Variants in TMED10 observed in about 807,000 individuals in gnomAD.
TMED10 encodes transmembrane p24 trafficking protein 10.
Under a neutral mutation model 23.1 loss-of-function variants are expected in TMED10, and 7 were observed. The ratio of observed to expected loss-of-function variants is 0.30; its 90% CI spans 0.17 to 0.57. The LOEUF is 0.57. TMED10 is among the 20% of genes least tolerant of loss of function. The pLI, the probability that TMED10 is intolerant of heterozygous loss-of-function variation, is 0.91. For synonymous variants in TMED10, 113 were observed against 106.9 expected (o/e 1.06, Z -0.35); for missense variants, 162 against 274.8 (o/e 0.59, Z 2.90).
intron 1 of TMED10, among the ~76,000 whole-genome samples, chr14:75,165,531 A>G (rs537890484): frequency 1.3e-5 from 2 of 152,288 alleles, no homozygotes; most frequent in East Asian, 1.9e-4. Context: ...CAGCCTCAGA[A>G]ACACTTTCAA....
chr14:75,135,738 T>G (rs768298582), intron 4 of TMED10, 22 bp downstream of exon 4: 17 of 1,610,576 alleles, frequency 1.1e-5, no homozygotes, highest in African/African-American at 1.3e-5. Context: ...ACTTAAGAAG[T>G]AAGAGTCGCC....
intron 1 of TMED10, among the ~76,000 whole-genome samples, chr14:75,171,972 T>C (rs1237181738): frequency 6.6e-6 from 1 of 152,038 alleles, no homozygotes; most frequent in African/African-American, 2.4e-5. Context: ...GGGGTACATG[T>C]GCAGAACGTG....
intron 1 of TMED10, among the ~76,000 whole-genome samples, chr14:75,171,436 T>C (rs554847940): frequency 2.0e-5 from 3 of 152,228 alleles, no homozygotes; most frequent in African/African-American, 7.2e-5. Context: ...TGCACCACCA[T>C]GCCCAGCTAA....
intron 2 of TMED10, 72 bp from the exon 3 acceptor site, chr14:75,147,809 G>GCCCA: frequency 1.5e-6 from 2 of 1,302,594 alleles, no homozygotes; most frequent in East Asian, 2.8e-5. Context: ...CCACCCGCCC[G>GCCCA]CCCTCCCTCT....
intron 1 of TMED10, among the ~76,000 whole-genome samples, chr14:75,161,723 T>A (rs115893413): frequency 1.1e-3 from 170 of 151,454 alleles, no homozygotes; most frequent in African/African-American, 3.8e-3. Context: ...TTTCTCCCCA[T>A]CCTAGCCCAC....
At chr14:75,135,083 G>A in intron 4 of TMED10, 77 bp from the exon 5 acceptor site, 2 of 1,559,172 alleles carry the variant, frequency 1.3e-6, no homozygotes, top group South Asian at 1.1e-5. Context: ...GGGGAGGTGG[G>A]TAAAGGCAAT....
intron 1 of TMED10, among the ~76,000 whole-genome samples, chr14:75,165,179 TA>T (rs2139856916): frequency 6.6e-6 from 1 of 152,248 alleles, no homozygotes; most frequent in African/African-American, 2.4e-5. Context: ...ACCAACTCAT[TA>T]AAGATGCTAT....
At chr14:75,136,519 T>C (rs2139830089) in intron 3 of TMED10, among the ~76,000 whole-genome samples, 1 of 152,346 alleles carries the variant, frequency 6.6e-6, no homozygotes. Flanking sequence ...AGAAGTAAAC[T>C]ATTGTTAATA....
chr14:75,142,361 A>G (rs1895833421), intron 3 of TMED10, among the ~76,000 whole-genome samples: 1 of 152,244 alleles, frequency 6.6e-6, no homozygotes, highest in Non-Finnish European at 1.5e-5. Flanking sequence ...CAAAATTAAC[A>G]GTACCATGGT....
At chr14:75,148,915 TA>T (rs1895921234) in intron 2 of TMED10, among the ~76,000 whole-genome samples, 1 of 152,256 alleles carries the variant, frequency 6.6e-6, no homozygotes, top group African/African-American at 2.4e-5. Flanking sequence ...TTTATTTAAT[TA>T]AAAAAAATTT....
At chr14:75,166,370 C>T (rs1377270673) in intron 1 of TMED10, among the ~76,000 whole-genome samples, 1 of 152,178 alleles carries the variant, frequency 6.6e-6, no homozygotes, top group African/African-American at 2.4e-5. Flanking sequence ...GCTCTATATG[C>T]ATATGGGGGC....
intron 1 of TMED10, among the ~76,000 whole-genome samples, chr14:75,164,548 TA>T (rs869289272): frequency 0.2 from 8,482 of 42,568 alleles, 1,132 homozygotes; most frequent in South Asian, 0.27. Context: ...TATATATATA[TA>T]TATATATATA....
intron 3 of TMED10, among the ~76,000 whole-genome samples, chr14:75,140,985 A>AT (rs1032964050): frequency 2.0e-5 from 3 of 152,182 alleles, no homozygotes; most frequent in African/African-American, 7.2e-5. Context: ...AAGTTTCTTG[A>AT]TTTTTTTTAA....
At chr14:75,160,108 C>G (rs1566674011) in intron 1 of TMED10, among the ~76,000 whole-genome samples, 1 of 152,164 alleles carries the variant, frequency 6.6e-6, no homozygotes. Flanking sequence ...AGGCAGGCAA[C>G]CTGACAACTG....
In TMED10 at chr14:75,176,394, G is replaced by C; in HGVS notation, c.186C>G (p.Asp62Glu). ...LLVTGAYEIS[D>E]QSGGAGGLRS... Reference sequence around the variant, plus strand: ...GCAGGCCGCCAGCGCCCCCAGACTGGTCGGAGATCTCGTACGCGCCAGTCA... The same window carrying C: ...GCAGGCCGCCAGCGCCCCCAGACTGCTCGGAGATCTCGTACGCGCCAGTCA... The change falls in exon 1 of 5, where the codon GAC becomes GAG. Residue 62 changes from aspartate (D) to glutamate (E), a missense_variant. This residue lies in a region of TMED10 where 126 missense variants were observed against 239.5 expected (regional missense o/e 0.53). Coordinates refer to ENST00000303575, the MANE Select transcript of TMED10 (RefSeq NM_006827.6). The C allele has an allele frequency of 1.2e-6, 2 of 1,614,240 alleles. No homozygotes were observed.
At chr14:75,148,316 G>A (rs1183344751) in intron 2 of TMED10, among the ~76,000 whole-genome samples, 2 of 151,278 alleles carry the variant, frequency 1.3e-5, no homozygotes, top group Admixed American at 1.3e-4. Context: ...CAAACATTTT[G>A]ATCAATGTAT....
intron 1 of TMED10, among the ~76,000 whole-genome samples, chr14:75,159,640 T>C (rs1896063430): frequency 6.6e-6 from 1 of 152,168 alleles, no homozygotes; most frequent in Non-Finnish European, 1.5e-5. Context: ...CTCTACATCA[T>C]AAAGGAGCTT....
chr14:75,148,760 C>T (rs1490093034), intron 2 of TMED10, among the ~76,000 whole-genome samples: 1 of 152,176 alleles, frequency 6.6e-6, no homozygotes, highest in Non-Finnish European at 1.5e-5. Context: ...TCAATAACTA[C>T]TCATTGAAAA....
chr14:75,154,237 CA>C (rs78523802), intron 1 of TMED10, among the ~76,000 whole-genome samples: 117,926 of 122,806 alleles, frequency 0.96, 56,653 homozygotes, highest in East Asian at 1. Flanking sequence ...ACTAAAAATA[CA>C]AAAAAAAAAA....
Sources: gnomAD v4.1 joint callset for allele counts (sites outside exome capture counted in the v4.1 genomes callset) on GRCh38, gnomAD v4.1.1 for gene constraint, gnomAD v4.1.1 regional missense constraint, MANE v1.5 for transcripts, NCBI Gene and HGNC (gene_info 2026-07-23, HGNC 2026-07-21) for gene names.